LRRC49: variants seen among roughly 807,000 people sequenced by gnomAD.
LRRC49 encodes the protein leucine-rich repeat-containing protein 49.
Under a neutral mutation model 83.3 loss-of-function variants are expected in LRRC49, and 50 were observed. That is an observed-to-expected ratio of 0.60 (90% CI 0.48 to 0.76). The LOEUF is 0.76. LRRC49 is among the 30% of genes least tolerant of loss of function. The probability of loss-of-function intolerance (pLI) is 0.00; values close to 1 mark genes in which losing one functional copy is unlikely to be tolerated. For synonymous variants in LRRC49, 286 were observed against 283.3 expected (o/e 1.01, Z -0.10); for missense variants, 704 against 809.1 (o/e 0.87, Z 1.58).
intron 11 of LRRC49, among the ~76,000 whole-genome samples, chr15:70,987,942 G>A (rs142644795): frequency 0.077 from 11,649 of 152,058 alleles, 613 homozygotes; most frequent in East Asian, 0.17. Context: ...GTAGTTGAGC[G>A]GTTTTGAGTG....
intron 14 of LRRC49, among the ~76,000 whole-genome samples, chr15:71,031,879 T>G (rs1324206701): frequency 6.6e-6 from 1 of 152,134 alleles, no homozygotes; most frequent in African/African-American, 2.4e-5. Context: ...AACTTCAGCC[T>G]ACTGTGCTGG....
chr15:70,958,747 CAT>C (rs1316219689), intron 8 of LRRC49, among the ~76,000 whole-genome samples: 1 of 152,180 alleles, frequency 6.6e-6, no homozygotes, highest in Non-Finnish European at 1.5e-5. Flanking sequence ...TTTATCTAAA[CAT>C]GTCTCAAACA....
At chr15:71,026,829 A>G (rs2039188355) in intron 14 of LRRC49, among the ~76,000 whole-genome samples, 2 of 152,074 alleles carry the variant, frequency 1.3e-5, no homozygotes, top group South Asian at 2.1e-4. Flanking sequence ...TTCCTTGTAG[A>G]TTCTGGATAT....
rs1449210504 is a variant in LRRC49 at position 70,919,120 on chromosome 15, G to A, written c.638G>A (p.Ser213Asn). The change falls in exon 7 of 16, where the codon AGT becomes AAT. Residue 213 changes from serine to asparagine, a missense_variant. This residue lies in a region of LRRC49 where 261 missense variants were observed against 330.5 expected (regional missense o/e 0.79). Transcript: ENST00000260382. Reference protein sequence around the residue: ...RVLNLARNFLSHVDNLNGLDS... With the variant: ...RVLNLARNFLNHVDNLNGLDS... ...TTAAATCTTGCCAGGAACTTTTTAAGTCATGTTGATAATCTTAATGGGCTG... is the reference window on the plus strand; with the variant it reads ...TTAAATCTTGCCAGGAACTTTTTAAATCATGTTGATAATCTTAATGGGCTG... 6 of 1,612,248 alleles carry A rather than the reference G, an allele frequency of 3.7e-6. No individual in the cohort carries two copies. In the African/African-American group the frequency reaches 6.7e-5, roughly 18 times the overall value.
intron 2 of LRRC49, 21 bp downstream of exon 2, chr15:70,893,661 C>T: frequency 1.3e-6 from 2 of 1,586,734 alleles, no homozygotes; most frequent in Non-Finnish European, 1.7e-6. Context: ...AGAAGGTTGG[C>T]ATTTAAATTG....
At chr15:70,853,988 T>TCGTCCTCCAACTCGTCCA (rs1445375680) in intron 1 of LRRC49, 1 of 1,463,822 alleles carries the variant, frequency 6.8e-7, no homozygotes. Flanking sequence ...CCCCTCCTCC[T>TCGTCCTCCAACTCGTCCA]CGTCCTCCAA....
chr15:71,036,449 C>T (rs921626367), intron 14 of LRRC49, among the ~76,000 whole-genome samples: 1 of 151,954 alleles, frequency 6.6e-6, no homozygotes, highest in African/African-American at 2.4e-5. Flanking sequence ...AGTTATATTC[C>T]TCTTCTGCCC....
intron 13 of LRRC49, 36 bp from the exon 14 acceptor site, chr15:71,012,768 G>A (rs1328402621): frequency 8.5e-7 from 1 of 1,170,098 alleles, no homozygotes; most frequent in Non-Finnish European, 1.3e-6. Context: ...AAGAGTTGGT[G>A]TCATTTTTTT....
chr15:71,009,446 G>T (rs1321837191), intron 12 of LRRC49: 1 of 158,428 alleles, frequency 6.3e-6, no homozygotes, highest in African/African-American at 2.4e-5. Context: ...TTCATTTCCA[G>T]TCTTTTTAAA....
chr15:71,028,466 A>T (rs528231638), intron 14 of LRRC49, among the ~76,000 whole-genome samples: 14 of 152,222 alleles, frequency 9.2e-5, no homozygotes, highest in Admixed American at 5.2e-4. Context: ...TCATAAAATG[A>T]GTTAGGGAGG....
Position 70,984,155 on chromosome 15 carries a change from T to C in LRRC49, c.1067T>C (p.Val356Ala). Reference sequence around the variant, plus strand: ...CAGTGGGACTTGCAACAACAACGAGTAGCCAATATTGCTACAAATGAAGAT... The same window carrying C: ...CAGTGGGACTTGCAACAACAACGAGCAGCCAATATTGCTACAAATGAAGAT... ...ARQWDLQQQR[V>A]ANIATNEDRK... The change falls in exon 11 of 16, where the codon GTA becomes GCA. Residue 356 changes from valine (V) to alanine (A), a missense_variant. Physicochemically the swap from Val to Ala is moderately conservative, Grantham distance 64. This residue lies in a region of LRRC49 where 168 missense variants were observed against 140.6 expected (regional missense o/e 1.20). Transcript: ENST00000260382. The C allele has an allele frequency of 6.2e-7, 1 of 1,606,692 alleles. No individual in the cohort carries two copies. The highest frequency in any genetic ancestry group is 8.5e-7 in the Non-Finnish European group (1 of 1,173,774).
chr15:70,980,020 C>A, intron 9 of LRRC49, 81 bp from the exon 10 acceptor site: 1 of 807,798 alleles, frequency 1.2e-6, no homozygotes, highest in Non-Finnish European at 2.0e-6. Context: ...AAGAAGAAAA[C>A]TGTGCTTAAT....
chr15:71,016,426 G>T (rs1436232268), intron 14 of LRRC49, among the ~76,000 whole-genome samples: 1 of 151,928 alleles, frequency 6.6e-6, no homozygotes, highest in Non-Finnish European at 1.5e-5. Context: ...AGAAAGATTA[G>T]AAAGTAATGA....
At chr15:70,937,455 T>C (rs990085194) in intron 8 of LRRC49, among the ~76,000 whole-genome samples, 1 of 152,202 alleles carries the variant, frequency 6.6e-6, no homozygotes, top group African/African-American at 2.4e-5. Flanking sequence ...CCCTAATTCT[T>C]TCCTTCTCCT....
At chr15:71,016,962 C>G (rs1342450034) in intron 14 of LRRC49, among the ~76,000 whole-genome samples, 1 of 151,738 alleles carries the variant, frequency 6.6e-6, no homozygotes, top group Non-Finnish European at 1.5e-5. Flanking sequence ...AAAGACTAAC[C>G]AGGCATGTGG....
At chr15:71,037,379 A>G in intron 15 of LRRC49, 47 bp downstream of exon 15, 2 of 1,474,522 alleles carry the variant, frequency 1.4e-6, no homozygotes, top group Non-Finnish European at 1.8e-6. Flanking sequence ...GATATATCCC[A>G]CATGGCTTGG....
At chr15:70,880,743 A>G (rs754494219) in intron 2 of LRRC49, among the ~76,000 whole-genome samples, 69 of 152,334 alleles carry the variant, frequency 4.5e-4, no homozygotes, top group Non-Finnish European at 8.5e-4. Context: ...AAGTGTTGAC[A>G]TGGCTGTCAA....
chr15:71,021,029 T>G (rs1181621390), intron 14 of LRRC49, among the ~76,000 whole-genome samples: 1 of 152,042 alleles, frequency 6.6e-6, no homozygotes, highest in African/African-American at 2.4e-5. Flanking sequence ...CTAACACTAA[T>G]GATAGCTGAT....
chr15:70,980,837 A>T (rs2037372698), intron 10 of LRRC49, among the ~76,000 whole-genome samples: 1 of 152,082 alleles, frequency 6.6e-6, no homozygotes, highest in South Asian at 2.1e-4. Context: ...GATTATCATT[A>T]CTCATTCATG....
Sources: gnomAD v4.1 joint callset for allele counts (sites outside exome capture counted in the v4.1 genomes callset) on GRCh38, gnomAD v4.1.1 for gene constraint, gnomAD v4.1.1 regional missense constraint, MANE v1.5 for transcripts, NCBI Gene and HGNC (gene_info 2026-07-23, HGNC 2026-07-21) for gene names.